The following PSMD8 variants were observed in gnomAD, a reference collection of about 807,000 sequenced individuals.
PSMD8 encodes the protein proteasome 26S subunit, non-ATPase 8.
In PSMD8, 30 loss-of-function variants were observed where a neutral mutation model predicts 40.0. The observed-to-expected ratio is 0.75, with a 90% confidence interval of 0.56 to 1.02. The LOEUF is 1.02. Ranked by LOEUF, PSMD8 falls within the 50% of genes least tolerant of loss-of-function variation. The pLI is 0.00. For missense variants in PSMD8, 461 were observed against 463.9 expected (o/e 0.99, Z 0.06); for synonymous variants, 208 against 192.5 (o/e 1.08, Z -0.67).
intron 1 of PSMD8, chr19:38,375,179 G>C (rs1458596091): frequency 1.3e-6 from 1 of 761,292 alleles, no homozygotes. Flanking sequence ...TGATGGTCAC[G>C]CCTGTAATCG....
rs373583013 is a variant in PSMD8 at position 38,380,952 on chromosome 19, C to T, written c.756C>T (p.Pro252=). The change falls in exon 5 of 7, where the codon CCC becomes CCT. Residue 252 remains proline, a synonymous_variant. Transcript: ENST00000215071. ...NKVFLAKGNI[P]AESYTFFIDI... ...TGTTCCTGGCCAAGGGTAACATCCC[C>T]GCCGAGAGCTACACCTTCTTCATTG... 16 of 1,591,362 alleles carry T rather than the reference C, an allele frequency of 1.0e-5. No individual in the cohort carries two copies. The highest frequency in any genetic ancestry group is 6.8e-5 in the East Asian group (3 of 43,820).
In PSMD8 at chr19:38,374,795, C is replaced by T. The variant is rs1205886652; in HGVS notation, c.194C>T (p.Ala65Val). The change falls in exon 1 of 7, where the codon GCG (alanine) becomes GTG (valine). Residue 65 changes from alanine to valine, a missense_variant. Physicochemically the swap from Ala to Val is moderately conservative, Grantham distance 64. Coordinates refer to ENST00000215071, the MANE Select transcript of PSMD8 (RefSeq NM_002812.5). ...CTGCTTGCCGCATCACGCAAGATGG[C>T]GGCCGCGGCGGTGAACGGGGCGGCA... is the stretch of plus-strand genomic sequence containing the variant. Reference protein sequence around the residue: ...GGLLAASRKMAAAAVNGAAGF... With the variant: ...GGLLAASRKMVAAAVNGAAGF... 7 of 1,570,402 alleles carry T rather than the reference C, an allele frequency of 4.5e-6. No individual in the cohort carries two copies. The highest frequency in any genetic ancestry group is 1.3e-5 in the African/African-American group (1 of 74,164).
rs575111246 is a variant in PSMD8 at position 38,374,749 on chromosome 19, C to T, written c.148C>T (p.Arg50Cys). 1.3e-4 allele frequency: 210 copies of T among 1,556,268 alleles called. No individual in the cohort carries two copies. The highest frequency in any genetic ancestry group is 1.2e-3 in the Middle Eastern group (7 of 5,704). Residue 50 changes from arginine (R) to cysteine (C), a missense_variant, in exon 1 of 7, where the codon CGC becomes TGC. Transcript: ENST00000215071. ...HFRRASVCRR[R>C]CRKSGGLLAA... ...CCGCCGGGCAAGCGTTTGTAGGCGG[C>T]GCTGCCGTAAATCAGGCGGTCTGCT...
Position 38,376,403 on chromosome 19 carries a change from C to T in PSMD8, c.485C>T (p.Pro162Leu). 1 of 1,552,520 alleles carries T rather than the reference C, an allele frequency of 6.4e-7. No homozygotes were observed. Among genetic ancestry groups the T allele is most frequent in the South Asian group, 1.2e-5 (1 of 84,110 alleles). ...TGGAGCATCCTACGCAAGGACATCC[C>T]CTCCTTCGAGCGCTACATGGCCCAG... ...AQWSILRKDI[P>L]SFERYMAQLK... The change falls in exon 3 of 7, where the codon CCC becomes CTC. Residue 162 changes from proline (P) to leucine (L), a missense_variant. By Grantham distance (98) the Pro-to-Leu change is moderately conservative. This residue lies in a region of PSMD8 where 236 missense variants were observed against 321.2 expected (regional missense o/e 0.73). Transcript: ENST00000215071.
At position 38,376,153 on chromosome 19, in the gene PSMD8, C is replaced by G; in HGVS notation, c.361-7C>G. 1 of 1,598,446 alleles carries G rather than the reference C, an allele frequency of 6.3e-7. No individual in the cohort carries two copies. Among genetic ancestry groups the G allele is most frequent in the Non-Finnish European group, 8.6e-7 (1 of 1,168,364 alleles). On this transcript the variant is annotated splice_polypyrimidine_tract_variant and splice_region_variant and intron_variant, in intron 1 of 6. Coordinates refer to ENST00000215071, the MANE Select transcript of PSMD8 (RefSeq NM_002812.5). ...TTTCTTTCTTCCCTCCCTCCCCTCCCCATCAGCTAGTTCTTCTGGAGCTCA... is the reference window on the plus strand; with the variant it reads ...TTTCTTTCTTCCCTCCCTCCCCTCCGCATCAGCTAGTTCTTCTGGAGCTCA...
chr19:38,381,333 T>A (rs1970639040), intron 5 of PSMD8: 1 of 205,264 alleles, frequency 4.9e-6, no homozygotes, highest in African/African-American at 2.3e-5. Flanking sequence ...AGACTTCACC[T>A]CCGGCCACCA....
Position 38,383,264 on chromosome 19 carries a change from C to T in PSMD8, c.927C>T (p.Val309=). Reference sequence around the variant, plus strand: ...CTCCTTTCCTGCAGCGAGGGTGGGTCCTGGGCCCCAACAACTACTACAGTT... The same window carrying T: ...CTCCTTTCCTGCAGCGAGGGTGGGTTCTGGGCCCCAACAACTACTACAGTT... ...MTDYAKKRGW[V]LGPNNYYSFA... Residue 309 remains valine, a synonymous_variant, in exon 7 of 7, where the codon GTC becomes GTT. Transcript: ENST00000215071. 1 of 1,612,812 alleles carries T rather than the reference C, an allele frequency of 6.2e-7. No individual in the cohort carries two copies. Among genetic ancestry groups the T allele is most frequent in the South Asian group, 1.1e-5 (1 of 91,032 alleles).
At chr19:38,382,359 C>T in intron 6 of PSMD8, 131 bp downstream of exon 6, 1 of 727,086 alleles carries the variant, frequency 1.4e-6, no homozygotes, top group Admixed American at 2.1e-5. Context: ...TCTAGGCAAG[C>T]TGCCAAAGCT....
chr19:38,377,537 C>T (rs958279884), intron 3 of PSMD8, among the ~76,000 whole-genome samples: 4 of 151,722 alleles, frequency 2.6e-5, no homozygotes, highest in African/African-American at 9.7e-5. Context: ...ACTCTTGTTG[C>T]CCAGGCTGGA....
chr19:38,378,817 G>A (rs1970617785), intron 3 of PSMD8, among the ~76,000 whole-genome samples: 1 of 152,120 alleles, frequency 6.6e-6, no homozygotes, highest in Non-Finnish European at 1.5e-5. Context: ...GCCGGGCATG[G>A]TGGCATGTGC....
intron 3 of PSMD8, among the ~76,000 whole-genome samples, chr19:38,378,317 C>T (rs1970613298): frequency 6.6e-6 from 1 of 151,724 alleles, no homozygotes; most frequent in African/African-American, 2.4e-5. Flanking sequence ...ACCATCCTGG[C>T]TAACACGGTG....
At chr19:38,380,385 C>G (rs1272428641) in intron 4 of PSMD8, among the ~76,000 whole-genome samples, 1 of 152,186 alleles carries the variant, frequency 6.6e-6, no homozygotes, top group Non-Finnish European at 1.5e-5. Context: ...CGAAGGACAG[C>G]CAAGAAGACA....
Position 38,382,221 on chromosome 19 carries a change from C to T in PSMD8, c.908C>T (p.Ala303Val). ...ACACCCAAAAAGATGACAGACTACGCCAAGAAGGTGGCTGGGGTACAGGGC... is the reference window on the plus strand; with the variant it reads ...ACACCCAAAAAGATGACAGACTACGTCAAGAAGGTGGCTGGGGTACAGGGC... ...FNTPKKMTDYAKKRGWVLGPN... is the reference protein window; with the variant it reads ...FNTPKKMTDYVKKRGWVLGPN... Residue 303 changes from alanine (A) to valine (V), a missense_variant, in exon 6 of 7, where the codon GCC becomes GTC. Ala to Val is a moderately conservative substitution (Grantham distance 64). This residue lies in a region of PSMD8 where 236 missense variants were observed against 321.2 expected (regional missense o/e 0.73). Coordinates refer to ENST00000215071, the MANE Select transcript of PSMD8 (RefSeq NM_002812.5). 6.3e-7 allele frequency: 1 copy of T among 1,587,440 alleles called. No individual in the cohort carries two copies. The highest frequency in any genetic ancestry group is 2.3e-5 in the East Asian group (1 of 43,636).
intron 3 of PSMD8, among the ~76,000 whole-genome samples, chr19:38,378,749 C>T (rs890426535): frequency 2.6e-5 from 4 of 151,182 alleles, no homozygotes; most frequent in African/African-American, 9.7e-5. Context: ...ATCAGGAGTT[C>T]GAGACCAGCC....
At chr19:38,379,964 A>G (rs559504187) in intron 4 of PSMD8, among the ~76,000 whole-genome samples, 1 of 152,310 alleles carries the variant, frequency 6.6e-6, no homozygotes, top group South Asian at 2.1e-4. Flanking sequence ...GTCTCTATTT[A>G]GAAAATAAAT....
intron 3 of PSMD8, among the ~76,000 whole-genome samples, chr19:38,378,923 A>G (rs1970618538): frequency 6.6e-6 from 1 of 152,208 alleles, no homozygotes; most frequent in African/African-American, 2.4e-5. Context: ...ATTGCACTCC[A>G]GCCTGGGCAA....
At chr19:38,377,485 A>G (rs895603339) in intron 3 of PSMD8, among the ~76,000 whole-genome samples, 2 of 148,238 alleles carry the variant, frequency 1.3e-5, no homozygotes, top group African/African-American at 5.0e-5. Context: ...GAGTCATTGC[A>G]TCTGACTCCA....
chr19:38,376,120 T>A, intron 1 of PSMD8, 40 bp from the exon 2 acceptor site: 1 of 1,526,640 alleles, frequency 6.6e-7, no homozygotes, highest in Non-Finnish European at 9.0e-7. Flanking sequence ...GTATTTGAAT[T>A]CCCTTCTTTT....
intron 6 of PSMD8, 147 bp from the exon 7 acceptor site, chr19:38,383,106 G>C (rs954390475): frequency 9.2e-6 from 9 of 977,120 alleles, no homozygotes; most frequent in Non-Finnish European, 1.2e-5. Context: ...GGCACAGAGA[G>C]GTGAAGTTAC....
Sources: gnomAD v4.1 joint callset for allele counts (sites outside exome capture counted in the v4.1 genomes callset) on GRCh38, gnomAD v4.1.1 for gene constraint, gnomAD v4.1.1 regional missense constraint, MANE v1.5 for transcripts, NCBI Gene and HGNC (gene_info 2026-07-23, HGNC 2026-07-21) for gene names.